GPC5: variants seen among roughly 807,000 people sequenced by gnomAD.
The protein encoded by GPC5 is glypican 5.
GPC5 carries 47 observed loss-of-function variants against 53.9 expected under a neutral mutation model. The ratio of observed to expected loss-of-function variants is 0.87; its 90% CI spans 0.69 to 1.11. The LOEUF (loss-of-function observed/expected upper bound fraction) is 1.11. Ranked by LOEUF, GPC5 falls within the 50% of genes most tolerant of loss-of-function variation. The pLI, the probability that GPC5 is intolerant of heterozygous loss-of-function variation, is 0.00. For synonymous variants in GPC5, 286 were observed against 263.3 expected, an observed-to-expected ratio of 1.09 and a Z score of -0.84; for missense variants, 748 against 713.1, an observed-to-expected ratio of 1.05 and a Z score of -0.56.
At chr13:91,944,481 C>T (rs533343843) in intron 6 of GPC5, among the ~76,000 whole-genome samples, 1 of 152,294 alleles carries the variant, frequency 6.6e-6, no homozygotes, top group African/African-American at 2.4e-5. Flanking sequence ...TTAAAATTAA[C>T]CCATTACTCT....
At position 92,838,478 on chromosome 13, in the gene GPC5, G is replaced by GC. The variant is rs199677147; in HGVS notation, c.1562-27803dup. ...AGCCTGGGCTACAGAGTGAGACTCC[G>GC]CGCCCCCCCCAAAAAAAAAAAGAAA... On this transcript the variant is annotated intron_variant, in intron 7 of 7. Transcript: ENST00000377067. 0.024 allele frequency among the ~76,000 whole-genome samples: 3,426 copies of GC among 142,006 alleles called. 228 individuals are homozygous for GC. In the East Asian group the frequency reaches 0.26, roughly 11 times the overall value. The allele number at this position is 142,006 out of a possible 152,430, so 93.2% of individuals were successfully genotyped here.
intron 5 of GPC5, among the ~76,000 whole-genome samples, chr13:91,808,165 T>G (rs2038252227): frequency 6.6e-6 from 1 of 152,184 alleles, no homozygotes; most frequent in Non-Finnish European, 1.5e-5. Context: ...TGTAAAAGTT[T>G]AAAAACCTTC....
At chr13:92,666,093 A>G (rs1886555682) in intron 7 of GPC5, among the ~76,000 whole-genome samples, 2 of 152,240 alleles carry the variant, frequency 1.3e-5, no homozygotes, top group Admixed American at 1.3e-4. Context: ...AATAAGTTAC[A>G]TAAAATACCA....
intron 6 of GPC5, among the ~76,000 whole-genome samples, chr13:92,126,319 A>G (rs1440748651): frequency 2.0e-5 from 3 of 152,200 alleles, no homozygotes; most frequent in Non-Finnish European, 4.4e-5. Context: ...TATGAAAAAG[A>G]CAACTGGAAA....
At chr13:92,212,970 C>T (rs745738948) in intron 7 of GPC5, among the ~76,000 whole-genome samples, 1 of 152,154 alleles carries the variant, frequency 6.6e-6, no homozygotes, top group South Asian at 2.1e-4. Context: ...CAATGACAGA[C>T]AAGGATGGTA....
chr13:91,875,665 T>C (rs1362063500), intron 5 of GPC5, among the ~76,000 whole-genome samples: 1 of 152,232 alleles, frequency 6.6e-6, no homozygotes, highest in Non-Finnish European at 1.5e-5. Flanking sequence ...CAACTTTTTC[T>C]CTTCTTGAAT....
At chr13:92,252,421 T>A (rs1489854545) in intron 7 of GPC5, among the ~76,000 whole-genome samples, 3 of 152,092 alleles carry the variant, frequency 2.0e-5, no homozygotes, top group Non-Finnish European at 2.9e-5. Context: ...TCTACTGTGT[T>A]AAAGACAGAT....
chr13:92,653,228 A>G (rs1886013007), intron 7 of GPC5, among the ~76,000 whole-genome samples: 1 of 152,200 alleles, frequency 6.6e-6, no homozygotes, highest in African/African-American at 2.4e-5. Context: ...GGTTCCAAGA[A>G]GCTGACAATT....
chr13:91,411,333 A>T (rs1194447228), intron 1 of GPC5, among the ~76,000 whole-genome samples: 1 of 152,142 alleles, frequency 6.6e-6, no homozygotes, highest in African/African-American at 2.4e-5. Flanking sequence ...TGTAGTGCTG[A>T]GGGTCTTGGC....
At chr13:92,725,233 T>A (rs1888611337) in intron 7 of GPC5, among the ~76,000 whole-genome samples, 1 of 151,542 alleles carries the variant, frequency 6.6e-6, no homozygotes, top group Non-Finnish European at 1.5e-5. Context: ...TTCCTGGAAT[T>A]GTGATTGTCT....
chr13:92,724,911 C>CACACACACACAA (rs1555306823), intron 7 of GPC5, among the ~76,000 whole-genome samples: 1 of 144,142 alleles, frequency 6.9e-6, no homozygotes, highest in Non-Finnish European at 1.5e-5. Context: ...CACACACACA[C>CACACACACACAA]AAGAAAGAAA....
At chr13:92,373,862 T>C (rs2043671148) in intron 7 of GPC5, among the ~76,000 whole-genome samples, 1 of 152,190 alleles carries the variant, frequency 6.6e-6, no homozygotes, top group South Asian at 2.1e-4. Context: ...TTCATCTGAT[T>C]AACAGTGTAG....
chr13:91,544,204 A>T (rs1376824314), intron 2 of GPC5, among the ~76,000 whole-genome samples: 1 of 59,666 alleles, frequency 1.7e-5, no homozygotes, highest in Non-Finnish European at 4.5e-5. Context: ...TTATAAAATC[A>T]TTGGCTAATT....
chr13:91,792,360 A>G (rs1235925749), intron 5 of GPC5, among the ~76,000 whole-genome samples: 1 of 152,206 alleles, frequency 6.6e-6, no homozygotes, highest in Non-Finnish European at 1.5e-5. Context: ...CTCAACTTGC[A>G]ATTAATTAAA....
intron 7 of GPC5, among the ~76,000 whole-genome samples, chr13:92,392,208 C>A (rs1446015422): frequency 3.9e-5 from 6 of 152,044 alleles, no homozygotes; most frequent in African/African-American, 1.4e-4. Context: ...AAATTCAAAC[C>A]ATAATTCTTA....
intron 2 of GPC5, among the ~76,000 whole-genome samples, chr13:91,589,329 C>CT (rs1461109221): frequency 6.6e-6 from 1 of 151,918 alleles, no homozygotes; most frequent in African/African-American, 2.4e-5. Context: ...TTCTTCCGTA[C>CT]TTTTTTTCTG....
At chr13:91,604,560 G>T (rs865818101) in intron 2 of GPC5, among the ~76,000 whole-genome samples, 1 of 138,636 alleles carries the variant, frequency 7.2e-6, no homozygotes, top group Non-Finnish European at 1.6e-5. Flanking sequence ...CTAGTTTACA[G>T]TCCCACCAAC....
chr13:92,258,506 A>G (rs2042742889), intron 7 of GPC5, among the ~76,000 whole-genome samples: 1 of 152,234 alleles, frequency 6.6e-6, no homozygotes, highest in Non-Finnish European at 1.5e-5. Flanking sequence ...TGTTAATATC[A>G]GTAAGAGTAA....
intron 1 of GPC5, among the ~76,000 whole-genome samples, chr13:91,426,442 T>C (rs1429973013): frequency 1.3e-5 from 2 of 152,158 alleles, no homozygotes; most frequent in African/African-American, 4.8e-5. Flanking sequence ...TTAAACAGTA[T>C]TGACTCACAC....
Sources: allele counts gnomAD v4.1 joint callset (sites outside exome capture counted in the v4.1 genomes callset), GRCh38; gene constraint gnomAD v4.1.1; transcripts MANE v1.5; gene names NCBI Gene and HGNC (gene_info 2026-07-23, HGNC 2026-07-21).